The following JMJD7 variants were observed in gnomAD, a reference collection of about 807,000 sequenced individuals.
JMJD7 encodes the protein bifunctional peptidase and (3S)-lysyl hydroxylase JMJD7.
In JMJD7, 41 loss-of-function variants were observed where a neutral mutation model predicts 41.1. That is an observed-to-expected ratio of 1.00 (90% CI 0.78 to 1.30). JMJD7 has a LOEUF of 1.30. Ranked by LOEUF, JMJD7 falls within the 50% of genes most tolerant of loss-of-function variation. JMJD7 has a pLI of 0.00. For missense variants in JMJD7, 480 were observed against 420.7 expected (o/e 1.14, Z -1.23); for synonymous variants, 202 against 177.2 (o/e 1.14, Z -1.11).
Position 41,835,165 on chromosome 15 carries a change from G to A in JMJD7, c.414G>A (p.Glu138=). The A allele has an allele frequency of 6.2e-7, 1 of 1,604,130 alleles. No individual in the cohort carries two copies. Among genetic ancestry groups the A allele is most frequent in the Admixed American group, 1.7e-5 (1 of 60,018 alleles). Residue 138 remains glutamate, a synonymous_variant, in exon 3 of 8, where the codon GAG becomes GAA. Coordinates refer to ENST00000397299, the MANE Select transcript of JMJD7 (RefSeq NM_001114632.2). ...AGCAGTGCTCCAACCTGCCCAGCGAGCTGCCCCAGCTGCTGCCTGATCTGG... is the reference window on the plus strand; with the variant it reads ...AGCAGTGCTCCAACCTGCCCAGCGAACTGCCCCAGCTGCTGCCTGATCTGG... ...VQKQCSNLPS[E]LPQLLPDLES...
Position 41,837,204 on chromosome 15 carries a change from G to T in JMJD7, c.*48G>T, listed in dbSNP as rs1208017190. 7.5e-7 allele frequency: 1 copy of T among 1,341,398 alleles called. No homozygotes were observed. Among genetic ancestry groups the T allele is most frequent in the South Asian group, 1.2e-5 (1 of 81,438 alleles). The allele number at this position is 1,341,398 out of a possible 1,614,324, so 83.1% of individuals were successfully genotyped here. On this transcript the variant is annotated 3_prime_UTR_variant, in exon 8 of 8. Transcript: ENST00000397299. Reference sequence around the variant, plus strand: ...AAGCACGCCTCGGGGGACGGAGCCAGCCCCTCCCTGGCCAGGTCAATTCTC... The same window carrying T: ...AAGCACGCCTCGGGGGACGGAGCCATCCCCTCCCTGGCCAGGTCAATTCTC...
chr15:41,834,834 T>A lies in JMJD7; in HGVS notation c.159T>A (p.Ile53=), dbSNP rs1004451106. The stretch of plus-strand genomic sequence containing the variant: ...GGGTCTGCCCCAACAGGCCGTGCAT[T>A]ATCCGCAACGCTCTGCAGCACTGGC... ...RDWVCPNRPC[I]IRNALQHWPA... The change falls in exon 2 of 8, where the codon ATT becomes ATA. Residue 53 remains isoleucine (I), a synonymous_variant. Coordinates refer to ENST00000397299, the MANE Select transcript of JMJD7 (RefSeq NM_001114632.2). 1 of 1,614,200 alleles carries A rather than the reference T, an allele frequency of 6.2e-7. No individual in the cohort carries two copies. The highest frequency in any genetic ancestry group is 1.3e-5 in the African/African-American group (1 of 75,050).
chr15:41,835,320 GC>G (rs2065295892), intron 3 of JMJD7, 97 bp downstream of exon 3: 1 of 1,483,320 alleles, frequency 6.7e-7, no homozygotes, highest in Admixed American at 2.2e-5. Context: ...TGGCCTATGG[GC>G]TTGGTCCTGT....
chr15:41,837,147 C>G lies in JMJD7; in HGVS notation c.942C>G (p.Gly314=), dbSNP rs1364768206. 3 of 1,610,252 alleles carry G rather than the reference C, an allele frequency of 1.9e-6. No homozygotes were observed. The highest frequency in any genetic ancestry group is 2.5e-6 in the Non-Finnish European group (3 of 1,177,618). Residue 314 remains glycine, a synonymous_variant, in exon 8 of 8, where the codon GGC becomes GGG. Transcript: ENST00000397299. ...TCGACTCCCTCACCAAGGCTTCAGG[C>G]CTTGACTGATGGAGCACTGGTGAAC... ...QLLDSLTKAS[G]LD is the part of the protein sequence containing the mutation.
At chr15:41,828,447 T>C (rs2065174323) in intron 1 of JMJD7, 1 of 391,096 alleles carries the variant, frequency 2.6e-6, no homozygotes, top group Admixed American at 4.6e-5. Flanking sequence ...TCCTACAGTC[T>C]TGAGCAGCTT....
chr15:41,833,414 A>ATATATATATTTTTTTTT (rs1239528383), intron 1 of JMJD7, among the ~76,000 whole-genome samples: 2 of 31,996 alleles, frequency 6.3e-5, no homozygotes, highest in African/African-American at 1.9e-4. Context: ...ATATATATAT[A>ATATATATATTTTTTTTT]TTTTTTTTTT....
intron 1 of JMJD7, chr15:41,832,410 G>A (rs565555622): frequency 1.5e-4 from 25 of 165,168 alleles, no homozygotes; most frequent in East Asian, 1.3e-3. Context: ...CTATTATTGC[G>A]TCACTGCACT....
chr15:41,830,629 C>T (rs898253465), intron 1 of JMJD7, among the ~76,000 whole-genome samples: 1 of 152,164 alleles, frequency 6.6e-6, no homozygotes, highest in Non-Finnish European at 1.5e-5. Context: ...GCTGCAGCCT[C>T]CCAAGCTGCA....
In JMJD7 at chr15:41,837,211, C is replaced by T; in HGVS notation, c.*55C>T. The T allele has an allele frequency of 7.8e-7, 1 of 1,275,538 alleles. No homozygotes were observed. The highest frequency in any genetic ancestry group is 1.1e-6 in the Non-Finnish European group (1 of 891,146). The allele number at this position is 1,275,538 out of a possible 1,614,324, so 79.0% of individuals were successfully genotyped here. A position where few individuals can be genotyped will look rare whatever the true frequency, so the allele number is the denominator to read the frequency against. On this transcript the variant is annotated 3_prime_UTR_variant, in exon 8 of 8. Coordinates refer to ENST00000397299, the MANE Select transcript of JMJD7 (RefSeq NM_001114632.2). ...CCTCGGGGGACGGAGCCAGCCCCTC[C>T]CTGGCCAGGTCAATTCTCGAGAGAG...
intron 1 of JMJD7, among the ~76,000 whole-genome samples, chr15:41,834,251 T>C (rs886242373): frequency 3.3e-5 from 5 of 152,236 alleles, no homozygotes; most frequent in Non-Finnish European, 7.3e-5. Context: ...AGCCCCAGAT[T>C]AGCCAAGCCA....
Position 41,836,825 on chromosome 15 carries a change from G to A in JMJD7, c.747G>A (p.Arg249=), listed in dbSNP as rs1363667551. The change falls in exon 7 of 8, where the codon CGG becomes CGA. Residue 249 remains arginine (R), a synonymous_variant. Coordinates refer to ENST00000397299, the MANE Select transcript of JMJD7 (RefSeq NM_001114632.2). ...ACCCCTTGGCGCCAGACCTAGCACG[G>A]TACCCTAGTTACAGTCAGGCCCAGG... ...PLDPLAPDLA[R]YPSYSQAQAL... is the part of the protein sequence containing the mutation. The A allele has an allele frequency of 6.2e-7, 1 of 1,612,594 alleles. No individual in the cohort carries two copies. The highest frequency in any genetic ancestry group is 8.5e-7 in the Non-Finnish European group (1 of 1,179,624).
intron 1 of JMJD7, among the ~76,000 whole-genome samples, 159 bp from the exon 2 acceptor site, chr15:41,834,581 G>T (rs28432037): frequency 6.6e-6 from 1 of 152,078 alleles, no homozygotes; most frequent in Admixed American, 6.5e-5. Context: ...TCATTTTTCC[G>T]TCCTCATCTT....
Position 41,834,809 on chromosome 15 carries a change from G to C in JMJD7, c.134G>C (p.Trp45Ser), listed in dbSNP as rs370002337. The C allele has an allele frequency of 1.2e-6, 2 of 1,614,228 alleles. No homozygotes were observed. The highest frequency in any genetic ancestry group is 1.7e-6 in the Non-Finnish European group (2 of 1,180,044). The change falls in exon 2 of 8, where the codon TGG (tryptophan) becomes TCG (serine). Residue 45 changes from tryptophan (W) to serine (S), a missense_variant. By Grantham distance (177) the Trp-to-Ser change is radical. Coordinates refer to ENST00000397299, the MANE Select transcript of JMJD7 (RefSeq NM_001114632.2). ...ACTCCGCTCCACTTCTACCGGGACT[G>C]GGTCTGCCCCAACAGGCCGTGCATT... Reference protein sequence around the residue: ...PPTPLHFYRDWVCPNRPCIIR... With the variant: ...PPTPLHFYRDSVCPNRPCIIR...
At position 41,834,800 on chromosome 15, in the gene JMJD7, A is replaced by C. The variant is rs200523394; in HGVS notation, c.125A>C (p.Tyr42Ser). 6.2e-7 allele frequency: 1 copy of C among 1,614,066 alleles called. No homozygotes were observed. ...LDKPPTPLHF[Y>S]RDWVCPNRPC... ...AAACCCCCAACTCCGCTCCACTTCT[A>C]CCGGGACTGGGTCTGCCCCAACAGG... The change falls in exon 2 of 8, where the codon TAC (tyrosine) becomes TCC (serine). Residue 42 changes from tyrosine to serine, a missense_variant. Tyr to Ser is a moderately radical substitution (Grantham distance 144, BLOSUM62 -2). Transcript: ENST00000397299.
intron 1 of JMJD7, among the ~76,000 whole-genome samples, chr15:41,831,753 A>G (rs1464292589): frequency 1.3e-5 from 2 of 152,102 alleles, no homozygotes; most frequent in Admixed American, 6.5e-5. Flanking sequence ...GAGCTATCCT[A>G]TGGCTCAGTA....
chr15:41,836,290 A>C (rs775597613), intron 5 of JMJD7, 47 bp downstream of exon 5: 1 of 1,607,994 alleles, frequency 6.2e-7, no homozygotes, highest in Non-Finnish European at 8.5e-7. Context: ...AGCTGGCCCA[A>C]GGGGGAGGGA....
intron 1 of JMJD7, among the ~76,000 whole-genome samples, chr15:41,829,686 G>A (rs2065199713): frequency 6.6e-6 from 1 of 152,196 alleles, no homozygotes; most frequent in Non-Finnish European, 1.5e-5. Flanking sequence ...GAGGAAAGCA[G>A]CCATTCTCTA....
chr15:41,834,403 C>T (rs959207152), intron 1 of JMJD7, among the ~76,000 whole-genome samples: 1 of 152,208 alleles, frequency 6.6e-6, no homozygotes, highest in African/African-American at 2.4e-5. Flanking sequence ...TCCATGGTGG[C>T]CTTTCCTGGT....
At position 41,835,036 on chromosome 15, in the gene JMJD7, AG is replaced by A. The variant is rs1567165657; in HGVS notation, c.289del (p.Asp97IlefsTer4). 1 of 1,613,954 alleles carries A rather than the reference AG, an allele frequency of 6.2e-7. No homozygotes were observed. On this transcript the variant is annotated frameshift_variant, in exon 3 of 8. Coordinates refer to ENST00000397299, the MANE Select transcript of JMJD7 (RefSeq NM_001114632.2). LOFTEE classifies it high-confidence loss of function. ...CAGATGGTTACGCGGATGCCGTGAG[AG>A]GGGATCGCTTCATGATGCCAGCTGA... ...TPDGYADAVRGDRFMMPAERR... is the reference protein window; with the variant it reads ...TPDGYADAVRXDRFMMPAERR...
Sources: allele counts gnomAD v4.1 joint callset (sites outside exome capture counted in the v4.1 genomes callset), GRCh38; gene constraint gnomAD v4.1.1; transcripts MANE v1.5; gene names NCBI Gene and HGNC (gene_info 2026-07-23, HGNC 2026-07-21).